The following CFH variants were observed in gnomAD, a reference collection of about 807,000 sequenced individuals.
CFH encodes complement factor H.
CFH carries 53 observed loss-of-function variants against 147.3 expected under a neutral mutation model. That is an observed-to-expected ratio of 0.36 (90% CI 0.29 to 0.45). The LOEUF (loss-of-function observed/expected upper bound fraction) is 0.45, where lower values mean the gene tolerates loss of function less well. Among genes scored for constraint, CFH ranks in the 20% least tolerant of loss-of-function variants. CFH has a pLI of 1.00. For missense variants in CFH, 1,380 were observed against 1,498.0 expected (o/e 0.92, Z 1.30); for synonymous variants, 536 against 489.4 (o/e 1.10, Z -1.26).
chr1:196,686,853 T>C (rs1667846161), intron 7 of CFH, among the ~76,000 whole-genome samples: 1 of 152,136 alleles, frequency 6.6e-6, no homozygotes, highest in African/African-American at 2.4e-5. Flanking sequence ...TGATGAGTTA[T>C]ATGGTTTATC....
chr1:196,699,443 C>T (rs937068659), intron 9 of CFH, among the ~76,000 whole-genome samples: 2 of 152,312 alleles, frequency 1.3e-5, no homozygotes, highest in South Asian at 2.1e-4. Context: ...ACAAGCCCTT[C>T]ACTGAGTAAA....
intron 21 of CFH, among the ~76,000 whole-genome samples, chr1:196,746,310 G>A (rs535669304): frequency 1.7e-4 from 26 of 152,122 alleles, no homozygotes; most frequent in African/African-American, 5.3e-4. Flanking sequence ...ATAATAACCG[G>A]CATGGTGACG....
intron 14 of CFH, among the ~76,000 whole-genome samples, chr1:196,727,230 G>A (rs1177395064): frequency 1.3e-5 from 2 of 152,126 alleles, no homozygotes; most frequent in African/African-American, 2.4e-5. Flanking sequence ...AGGCCAGGGT[G>A]GTTGCTCACG....
At chr1:196,746,805 C>T (rs2149118508) in intron 21 of CFH, among the ~76,000 whole-genome samples, 1 of 152,202 alleles carries the variant, frequency 6.6e-6, no homozygotes, top group East Asian at 1.9e-4. Context: ...TACTCTTTGA[C>T]CAATATCTTA....
chr1:196,673,757 GTCT>G (rs1416821873), intron 2 of CFH, 97 bp from the exon 3 acceptor site: 1 of 802,034 alleles, frequency 1.2e-6, no homozygotes, highest in East Asian at 2.5e-5. Flanking sequence ...CATTCAATCT[GTCT>G]TCTTATATAA....
chr1:196,652,765 A>T (rs890855871), intron 1 of CFH, among the ~76,000 whole-genome samples: 1 of 151,760 alleles, frequency 6.6e-6, no homozygotes, highest in African/African-American at 2.4e-5. Context: ...TTCAATAGAG[A>T]TTTTTTTCCT....
At chr1:196,671,587 T>TACACACACAC (rs551313147) in intron 1 of CFH, among the ~76,000 whole-genome samples, 1,413 of 129,484 alleles carry the variant, frequency 0.011, 19 homozygotes, top group African/African-American at 0.022. Flanking sequence ...AAAAGACTAA[T>TACACACACAC]ACACACACAC....
rs539151633 is a variant in CFH, at chr1:196,715,899, C to T, written c.1696+130C>T. The T allele has an allele frequency of 5.3e-6, 4 of 755,290 alleles. No homozygotes were observed. The African/African-American group carries it at 5.3e-5, about 10-fold the overall frequency. The allele number at this position is 755,290 out of a possible 1,614,324, so 46.8% of individuals were successfully genotyped here. A position where few individuals can be genotyped will look rare whatever the true frequency, so the allele number is the denominator to read the frequency against. ...AAAATCAAGATATCTCCTGATTTGA[C>T]ATAAACTGGGAAAAGAAGGGAGTTT... is the stretch of plus-strand genomic sequence containing the variant. On this transcript the variant is annotated intron_variant, in intron 11 of 21. Transcript: ENST00000367429.
chr1:196,728,384 ATTATAC>A lies in CFH; in HGVS notation c.2278_2283del (p.Ile760_Leu761del). On this transcript the variant is annotated inframe_deletion, in exon 15 of 22. Transcript: ENST00000367429. ...TAAGAAGTGCAAATCATCAAATTTA[ATTATAC>A]TTGAGGAACATTTAAAAAACAAGAA... The A allele has an allele frequency of 6.3e-7, 1 of 1,580,702 alleles. No individual in the cohort carries two copies. The highest frequency in any genetic ancestry group is 2.3e-5 in the East Asian group (1 of 43,796).
intron 14 of CFH, 97 bp downstream of exon 14, chr1:196,727,037 C>T: frequency 1.9e-6 from 2 of 1,074,368 alleles, no homozygotes; most frequent in Non-Finnish European, 2.8e-6. Context: ...TACAGATATG[C>T]CTCAACATTT....
At chr1:196,713,646 C>T in intron 9 of CFH, 89 bp from the exon 10 acceptor site, 3 of 864,510 alleles carry the variant, frequency 3.5e-6, no homozygotes, top group Middle Eastern at 3.5e-4. Context: ...ACAAATGACT[C>T]ATTATTTTTT....
intron 15 of CFH, among the ~76,000 whole-genome samples, chr1:196,733,795 G>A (rs1403803738): frequency 1.3e-5 from 2 of 152,032 alleles, no homozygotes; most frequent in East Asian, 1.9e-4. Flanking sequence ...GGTGAGCCAC[G>A]GGAACCGGCT....
intron 21 of CFH, among the ~76,000 whole-genome samples, chr1:196,746,775 ATAT>A (rs1653024242): frequency 6.6e-6 from 1 of 152,312 alleles, no homozygotes; most frequent in African/African-American, 2.4e-5. Flanking sequence ...GTTCTTATTC[ATAT>A]TATAGCTGAA....
At chr1:196,660,969 C>T (rs1352729334) in intron 1 of CFH, among the ~76,000 whole-genome samples, 4 of 152,096 alleles carry the variant, frequency 2.6e-5, no homozygotes, top group Non-Finnish European at 2.9e-5. Flanking sequence ...GATTACTTTA[C>T]TTATTTATTT....
intron 4 of CFH, 45 bp downstream of exon 4, chr1:196,676,110 A>T (rs1667444164): frequency 1.7e-6 from 2 of 1,208,482 alleles, no homozygotes. Context: ...TAAATATCTA[A>T]GATTTAAAAA....
Position 196,728,733 on chromosome 1 carries a change from GCACACA to G in CFH, c.2413+232_2413+237del, listed in dbSNP as rs34018998. 2.0e-3 allele frequency among the ~76,000 whole-genome samples: 296 copies of G among 145,106 alleles called. 1 individual carries two copies. Among genetic ancestry groups the G allele is most frequent in the Non-Finnish European group, 3.4e-3 (220 of 65,272 alleles). On this transcript the variant is annotated intron_variant, in intron 15 of 21. Transcript: ENST00000367429. ...AGTATAAACACACACACACACACAC[GCACACA>G]CACACACACACACACACACATAAAC...
At chr1:196,674,528 T>C (rs1194753908) in intron 3 of CFH, among the ~76,000 whole-genome samples, 1 of 152,192 alleles carries the variant, frequency 6.6e-6, no homozygotes, top group Non-Finnish European at 1.5e-5. Flanking sequence ...AAATCATCAC[T>C]GTATATCCTC....
rs370720094 is a variant in CFH, at chr1:196,683,920, G to C, written c.791-1144G>C. On this transcript the variant is annotated intron_variant, in intron 6 of 21. Coordinates refer to ENST00000367429, the MANE Select transcript of CFH (RefSeq NM_000186.4). ...TGGGAAATCAAATAGTAAATAAATT[G>C]GGGGTATATAAATGGATTTCAAGCA... 2.7e-5 allele frequency among the ~76,000 whole-genome samples: 4 copies of C among 150,654 alleles called. No individual in the cohort carries two copies. In the South Asian group the frequency reaches 8.3e-4, roughly 31 times the overall value.
chr1:196,727,596 A>T (rs1031681179), intron 14 of CFH, among the ~76,000 whole-genome samples: 4 of 152,136 alleles, frequency 2.6e-5, no homozygotes, highest in Non-Finnish European at 5.9e-5. Context: ...TATTATTGTT[A>T]TTGTATGGTA....
Sources: gnomAD v4.1 joint callset for allele counts (sites outside exome capture counted in the v4.1 genomes callset) on GRCh38, gnomAD v4.1.1 for gene constraint, MANE v1.5 for transcripts, NCBI Gene and HGNC (gene_info 2026-07-23, HGNC 2026-07-21) for gene names.